Variants in NRXN1 observed in about 807,000 individuals in gnomAD.
NRXN1 encodes the protein neurexin-1.
A neutral mutation model predicts 150.9 loss-of-function variants in NRXN1; 39 were observed. The ratio of observed to expected loss-of-function variants is 0.26; its 90% CI spans 0.20 to 0.34. NRXN1 has a LOEUF of 0.34. NRXN1 is among the 10% of genes least tolerant of loss of function. The pLI, the probability that NRXN1 is intolerant of heterozygous loss-of-function variation, is 1.00. For synonymous variants in NRXN1, 924 were observed against 757.0 expected (o/e 1.22, Z -3.62); for missense variants, 1,815 against 1,949.9 (o/e 0.93, Z 1.30).
chr2:50,671,414 T>C (rs935678772), intron 5 of NRXN1, among the ~76,000 whole-genome samples: 3 of 151,724 alleles, frequency 2.0e-5, no homozygotes, highest in African/African-American at 7.2e-5. Flanking sequence ...CAAAATTATA[T>C]GATATAATTT....
chr2:50,365,864 A>G (rs2079544866), intron 17 of NRXN1, among the ~76,000 whole-genome samples: 1 of 152,082 alleles, frequency 6.6e-6, no homozygotes, highest in African/African-American at 2.4e-5. Context: ...AATCTGGTGG[A>G]ACAATCTATT....
chr2:50,417,563 G>A (rs2083636537), intron 17 of NRXN1, among the ~76,000 whole-genome samples: 1 of 151,736 alleles, frequency 6.6e-6, no homozygotes, highest in African/African-American at 2.4e-5. Context: ...GATTTGCACT[G>A]TGCTTGGTCC....
chr2:50,946,802 G>C (rs1480658067), intron 2 of NRXN1, among the ~76,000 whole-genome samples: 1 of 152,104 alleles, frequency 6.6e-6, no homozygotes, highest in Non-Finnish European at 1.5e-5. Context: ...GTATCTACTG[G>C]AGCACTATCA....
chr2:50,964,823 C>G (rs929913583), intron 2 of NRXN1, among the ~76,000 whole-genome samples: 4 of 151,378 alleles, frequency 2.6e-5, no homozygotes, highest in African/African-American at 9.7e-5. Flanking sequence ...TCCATTAAGT[C>G]ATTTAAGAAA....
intron 5 of NRXN1, among the ~76,000 whole-genome samples, chr2:50,683,344 A>G (rs1009955289): frequency 2.0e-5 from 3 of 151,664 alleles, no homozygotes; most frequent in African/African-American, 4.8e-5. Flanking sequence ...TTAAAATATT[A>G]GTTACAGGCC....
chr2:50,236,195 G>C (rs568109770), intron 18 of NRXN1, among the ~76,000 whole-genome samples: 1 of 152,160 alleles, frequency 6.6e-6, no homozygotes, highest in African/African-American at 2.4e-5. Flanking sequence ...AGAGAAAAGA[G>C]AATGGGCCCA....
intron 17 of NRXN1, among the ~76,000 whole-genome samples, chr2:50,296,756 C>T (rs1029554575): frequency 1.3e-5 from 2 of 151,988 alleles, no homozygotes; most frequent in East Asian, 1.9e-4. Flanking sequence ...GTATTAGCCA[C>T]GCTGCTCAGC....
chr2:50,889,880 T>C (rs1236172865), intron 5 of NRXN1, among the ~76,000 whole-genome samples: 1 of 151,790 alleles, frequency 6.6e-6, no homozygotes, highest in Non-Finnish European at 1.5e-5. Context: ...GGTTATTCCT[T>C]CTAAAACATT....
At chr2:50,651,496 TG>T (rs1334942080) in intron 5 of NRXN1, among the ~76,000 whole-genome samples, 1 of 148,990 alleles carries the variant, frequency 6.7e-6, no homozygotes, top group African/African-American at 2.6e-5. Flanking sequence ...TGACATGACA[TG>T]ACATGACATG....
intron 8 of NRXN1, among the ~76,000 whole-genome samples, chr2:50,610,677 A>C (rs1335316969): frequency 2.3e-5 from 3 of 130,258 alleles, no homozygotes; most frequent in African/African-American, 8.6e-5. Flanking sequence ...ATATATATAT[A>C]TCTGTACAAA....
At chr2:50,842,971 C>T (rs1041704247) in intron 5 of NRXN1, among the ~76,000 whole-genome samples, 3 of 152,064 alleles carry the variant, frequency 2.0e-5, no homozygotes, top group Admixed American at 6.6e-5. Context: ...CCTATCCCCT[C>T]GGTATTTAAT....
At chr2:50,492,418 C>A (rs781273860) in intron 15 of NRXN1, among the ~76,000 whole-genome samples, 3 of 152,126 alleles carry the variant, frequency 2.0e-5, no homozygotes, top group Non-Finnish European at 2.9e-5. Context: ...CATTTCTGAT[C>A]GTTTCTATTG....
At chr2:50,331,977 G>A (rs1421731547) in intron 17 of NRXN1, among the ~76,000 whole-genome samples, 1 of 152,088 alleles carries the variant, frequency 6.6e-6, no homozygotes, top group Non-Finnish European at 1.5e-5. Flanking sequence ...GTACAACCTA[G>A]GCATGTGCAG....
intron 3 of NRXN1, among the ~76,000 whole-genome samples, chr2:50,923,682 C>T (rs868624718): frequency 5.9e-5 from 9 of 151,672 alleles, no homozygotes; most frequent in African/African-American, 1.2e-4. Flanking sequence ...GTCTACAATA[C>T]GGGAAAATGT....
rs72884045 is a variant in NRXN1 at position 50,573,480 on chromosome 2, A to C, written c.1321-20455T>G. Among the ~76,000 whole-genome samples the C allele has an allele frequency of 1.0e-2, 1,519 of 152,248 alleles. 18 individuals are homozygous for C. Among genetic ancestry groups the C allele is most frequent in the African/African-American group, 0.035 (1,463 of 41,540 alleles). The stretch of plus-strand genomic sequence containing the variant: ...GTCTATGTGGGAGTGGTAACTTTTA[A>C]ATTAATTTATAAGAAATATAAATGT... On this transcript the variant is annotated intron_variant, in intron 8 of 22. Transcript: ENST00000401669.
At chr2:50,828,608 C>T (rs1341808353) in intron 5 of NRXN1, among the ~76,000 whole-genome samples, 5 of 150,918 alleles carry the variant, frequency 3.3e-5, no homozygotes, top group Non-Finnish European at 7.4e-5. Context: ...GGGGCAAAGG[C>T]GCTCCCCACA....
chr2:50,177,337 G>A (rs562941715), intron 18 of NRXN1, among the ~76,000 whole-genome samples: 1 of 152,082 alleles, frequency 6.6e-6, no homozygotes, highest in South Asian at 2.1e-4. Flanking sequence ...ACGTTAAATA[G>A]TTAATAGTTG....
At chr2:50,984,827 C>T (rs968830385) in intron 2 of NRXN1, among the ~76,000 whole-genome samples, 3 of 151,840 alleles carry the variant, frequency 2.0e-5, no homozygotes, top group South Asian at 4.2e-4. Flanking sequence ...ATAGAGAAAC[C>T]GCTTAAAGAG....
At position 50,473,877 on chromosome 2, in the gene NRXN1, T is replaced by G. The variant is rs78477932; in HGVS notation, c.3071-1406A>C. Among the ~76,000 whole-genome samples the G allele has an allele frequency of 9.3e-3, 1,418 of 152,110 alleles. 21 individuals carry two copies. Among genetic ancestry groups the G allele is most frequent in the African/African-American group, 0.032 (1,348 of 41,514 alleles). On this transcript the variant is annotated intron_variant, in intron 15 of 22. Coordinates refer to ENST00000401669, the MANE Select transcript of NRXN1 (RefSeq NM_001330078.2). Reference sequence around the variant, plus strand: ...GTAGGGTAAAATCAAACCACAGATATAACACTCTTGAACTGTACTCATGAA... The same window carrying G: ...GTAGGGTAAAATCAAACCACAGATAGAACACTCTTGAACTGTACTCATGAA...
Sources: allele counts gnomAD v4.1 joint callset (sites outside exome capture counted in the v4.1 genomes callset), GRCh38; gene constraint gnomAD v4.1.1; transcripts MANE v1.5; gene names NCBI Gene and HGNC (gene_info 2026-07-23, HGNC 2026-07-21).